The following PXDN variants were observed in gnomAD, a reference collection of about 807,000 sequenced individuals.
PXDN encodes peroxidasin.
A neutral mutation model predicts 140.3 loss-of-function variants in PXDN; 77 were observed. The observed-to-expected ratio is 0.55, with a 90% CI of 0.46 to 0.66. The LOEUF (loss-of-function observed/expected upper bound fraction) is 0.66, where lower values mean the gene tolerates loss of function less well. Among genes scored for constraint, PXDN ranks in the 30% least tolerant of loss-of-function variants. The pLI, the probability that PXDN is intolerant of heterozygous loss-of-function variation, is 0.00. For missense variants in PXDN, 1,838 were observed against 2,039.5 expected (o/e 0.90, Z 1.90); for synonymous variants, 911 against 857.4 (o/e 1.06, Z -1.09).
rs550784477 is a variant in PXDN at position 1,716,440 on chromosome 2, G to GAAAAA, written c.201-23311_201-23307dup. 3.3e-4 allele frequency among the ~76,000 whole-genome samples: 19 copies of GAAAAA among 58,224 alleles called. 1 individual carries two copies. The highest frequency in any genetic ancestry group is 5.6e-4 in the East Asian group (1 of 1,782). The allele number at this position is 58,224 out of a possible 152,430, so 38.2% of individuals were successfully genotyped here. ...GCAACAGAGTGAGACTCCATCTCAG[G>GAAAAA]AAAAAAAAAAAAAAAAAAAAAAAAA... On this transcript the variant is annotated intron_variant, in intron 1 of 22. Transcript: ENST00000252804.
intron 14 of PXDN, among the ~76,000 whole-genome samples, chr2:1,658,906 G>A (rs1683238406): frequency 6.6e-6 from 1 of 151,826 alleles, no homozygotes; most frequent in African/African-American, 2.4e-5. Flanking sequence ...TCCCCCTCCG[G>A]CCCATGCCTT....
chr2:1,645,006 AAAGAT>A, intron 17 of PXDN, among the ~76,000 whole-genome samples: 1 of 152,302 alleles, frequency 6.6e-6, no homozygotes, highest in African/African-American at 2.4e-5. Context: ...AAAGCCAAGA[AAAGAT>A]AAGGAAGAAA....
rs866261607 is a variant in PXDN at position 1,660,113 on chromosome 2, G to A, written c.1837+768C>T. On this transcript the variant is annotated intron_variant, in intron 14 of 22. Coordinates refer to ENST00000252804, the MANE Select transcript of PXDN (RefSeq NM_012293.3). The surrounding 1 kb of genome is among the most constrained non-coding windows in gnomAD (Gnocchi z 4.6). The stretch of plus-strand genomic sequence containing the variant: ...GTGGGGAACACACCACTGATGAGGC[G>A]CAGGTTTGGGTCACACTGTGAAGAC... 4.3e-4 allele frequency among the ~76,000 whole-genome samples: 66 copies of A among 152,250 alleles called. No individual in the cohort carries two copies. Among genetic ancestry groups the A allele is most frequent in the African/African-American group, 1.5e-3 (62 of 41,540 alleles).
rs36227356 is a variant in PXDN at position 1,719,834 on chromosome 2, T to TTGTGTGTG, written c.200+24414_200+24421dup. Among the ~76,000 whole-genome samples the TTGTGTGTG allele has an allele frequency of 8.4e-3, 915 of 108,286 alleles. 33 individuals carry two copies. Among genetic ancestry groups the TTGTGTGTG allele is most frequent in the African/African-American group, 0.031 (782 of 25,252 alleles). 71.0% of individuals were successfully genotyped at this position (108,286 alleles called of 152,430 possible). On this transcript the variant is annotated intron_variant, in intron 1 of 22. Coordinates refer to ENST00000252804, the MANE Select transcript of PXDN (RefSeq NM_012293.3). ...CACAGGATGTGTGTACATGCGTGCA[T>TTGTGTGTG]TGTGTGTGTGTGTGTGTGTGTGTGT...
chr2:1,707,412 T>A (rs1684643618), intron 1 of PXDN, among the ~76,000 whole-genome samples: 1 of 122,528 alleles, frequency 8.2e-6, no homozygotes, highest in African/African-American at 2.8e-5. Flanking sequence ...CCACTAATAA[T>A]ACAAACTGAG....
rs1369451584 is a variant in PXDN at position 1,693,142 on chromosome 2, G to A, written c.201-8C>T. ...CTGTTAAAGCGAAGATCTCTGTGAA[G>A]AAACAAGAAAGGTATTATTACGTGA... On this transcript the variant is annotated splice_polypyrimidine_tract_variant and splice_region_variant and intron_variant, in intron 1 of 22. Coordinates refer to ENST00000252804, the MANE Select transcript of PXDN (RefSeq NM_012293.3). 6 of 1,542,642 alleles carry A rather than the reference G, an allele frequency of 3.9e-6. No homozygotes were observed. Among genetic ancestry groups the A allele is most frequent in the Non-Finnish European group, 5.3e-6 (6 of 1,140,928 alleles).
chr2:1,658,047 T>G (rs1484422939), intron 14 of PXDN, among the ~76,000 whole-genome samples: 1 of 115,460 alleles, frequency 8.7e-6, no homozygotes, highest in African/African-American at 4.3e-5. Context: ...TCTCTCTCTC[T>G]CTCTCTCTCT....
chr2:1,682,989 GA>G (rs1683950412), intron 6 of PXDN, among the ~76,000 whole-genome samples: 1 of 152,112 alleles, frequency 6.6e-6, no homozygotes. Context: ...GAAAGACACA[GA>G]ATATAGCACA....
intron 1 of PXDN, among the ~76,000 whole-genome samples, chr2:1,721,591 C>T (rs963067848): frequency 1.6e-4 from 24 of 152,168 alleles, no homozygotes; most frequent in African/African-American, 5.3e-4. Flanking sequence ...AATCCCAGCA[C>T]TTTGGGAGGC....
At chr2:1,683,950 G>T in intron 5 of PXDN, 130 bp downstream of exon 5, 2 of 1,017,100 alleles carry the variant, frequency 2.0e-6, no homozygotes, top group South Asian at 1.6e-5. Context: ...CAAATTGTTA[G>T]ACTAGAAATA....
intron 9 of PXDN, among the ~76,000 whole-genome samples, chr2:1,669,086 G>A (rs1308511862): frequency 5.3e-5 from 8 of 152,124 alleles, no homozygotes; most frequent in African/African-American, 9.7e-5. Flanking sequence ...TAAAGAAAAC[G>A]TAGCACATAC....
chr2:1,653,365 C>T, intron 16 of PXDN: 1 of 489,888 alleles, frequency 2.0e-6, no homozygotes, highest in Non-Finnish European at 3.8e-6. Context: ...TGGCATAACC[C>T]ACTCAGGGCA....
intron 14 of PXDN, among the ~76,000 whole-genome samples, chr2:1,657,306 C>T (rs1427267736): frequency 1.3e-5 from 2 of 150,236 alleles, no homozygotes; most frequent in African/African-American, 4.9e-5. Context: ...TGACAGGGAC[C>T]TGCCCCTCCT....
chr2:1,708,213 A>C (rs571895269), intron 1 of PXDN, among the ~76,000 whole-genome samples: 4 of 152,336 alleles, frequency 2.6e-5, no homozygotes, highest in Admixed American at 2.6e-4. Flanking sequence ...AGGTCTCATC[A>C]CGCACCCTCT....
chr2:1,691,171 G>T (rs1684175823), intron 3 of PXDN, among the ~76,000 whole-genome samples: 1 of 152,088 alleles, frequency 6.6e-6, no homozygotes. Context: ...CAACAAAAAT[G>T]GCTGAAATAA....
chr2:1,725,747 C>T (rs937090366), intron 1 of PXDN, among the ~76,000 whole-genome samples: 2 of 152,010 alleles, frequency 1.3e-5, no homozygotes, highest in African/African-American at 2.4e-5. Context: ...AACAAACAAC[C>T]CCATCAAAAA....
rs778748288 is a variant in PXDN, at chr2:1,666,342, C to T, written c.1163G>A (p.Arg388Gln). The change falls in exon 10 of 23, where the codon CGG becomes CAG. Residue 388 changes from arginine to glutamine, a missense_variant. Coordinates refer to ENST00000252804, the MANE Select transcript of PXDN (RefSeq NM_012293.3). ...GDRTPLPVDP[R>Q]VNITPSGGLY... ...CCCGCCAGAAGGCGTGATGTTCACC[C>T]GCGGGTCAACTGGCAAGGGTGTGCG... 1.8e-5 allele frequency: 29 copies of T among 1,613,924 alleles called. No homozygotes were observed. Among genetic ancestry groups the T allele is most frequent in the Non-Finnish European group, 2.3e-5 (27 of 1,179,914 alleles).
rs892582377 is a variant in PXDN at position 1,676,192 on chromosome 2, T to G, written c.848+735A>C. On this transcript the variant is annotated intron_variant, in intron 8 of 22. Transcript: ENST00000252804. Reference sequence around the variant, plus strand: ...ACGCCTTTCACCTCCTCCCATCTCTTCCCCCTAGACTCCATCACTCCTTAA... The same window carrying G: ...ACGCCTTTCACCTCCTCCCATCTCTGCCCCCTAGACTCCATCACTCCTTAA... 5.1e-4 allele frequency: 6 copies of G among 11,708 alleles called. No individual in the cohort carries two copies. In the African/African-American group the frequency reaches 0.012, roughly 24 times the overall value. 0.7% of individuals were successfully genotyped at this position (11,708 alleles called of 1,614,324 possible).
intron 1 of PXDN, among the ~76,000 whole-genome samples, chr2:1,712,471 T>G (rs1684805832): frequency 6.6e-6 from 1 of 152,124 alleles, no homozygotes; most frequent in Non-Finnish European, 1.5e-5. Context: ...GTTTGGAGGG[T>G]CAAGTTGAAA....
Sources: allele counts gnomAD v4.1 joint callset (sites outside exome capture counted in the v4.1 genomes callset), GRCh38; gene constraint gnomAD v4.1.1; non-coding constraint Gnocchi (gnomAD v3.1); transcripts MANE v1.5; gene names NCBI Gene and HGNC (gene_info 2026-07-23, HGNC 2026-07-21).